SPON1: variants seen among roughly 807,000 people sequenced by gnomAD.
SPON1 encodes spondin-1.
SPON1 carries 52 observed loss-of-function variants against 111.7 expected under a neutral mutation model. The observed-to-expected ratio is 0.47, with a 90% CI of 0.37 to 0.59. The LOEUF (loss-of-function observed/expected upper bound fraction) is 0.59, where lower values mean the gene tolerates loss of function less well. Ranked by LOEUF, SPON1 falls within the 20% of genes least tolerant of loss-of-function variation. SPON1 has a pLI of 0.00. For synonymous variants in SPON1, 410 were observed against 395.8 expected (o/e 1.04, Z -0.43); for missense variants, 957 against 1,068.5 (o/e 0.90, Z 1.46).
intron 15 of SPON1, 168 bp downstream of exon 15, chr11:14,263,143 CCA>C (rs1554942101): frequency 2.9e-6 from 2 of 683,778 alleles, no homozygotes; most frequent in East Asian, 5.5e-5. Context: ...AAGTTTGTTC[CCA>C]AATATTGAGC....
rs558655549 is a variant in SPON1, at chr11:14,182,847, C to T, written c.825+47279C>T. ...GCCATGAAGGATGTTGTTTCAGATG[C>T]CAAGTGGACAATGAGACTGTGTCCT... On this transcript the variant is annotated intron_variant, in intron 6 of 15. Coordinates refer to ENST00000576479, the MANE Select transcript of SPON1 (RefSeq NM_006108.4). Among the ~76,000 whole-genome samples the T allele has an allele frequency of 8.5e-5, 13 of 152,230 alleles. No homozygotes were observed. In the South Asian group the frequency reaches 2.5e-3, roughly 29 times the overall value.
At chr11:14,010,468 C>T (rs1486633752) in intron 2 of SPON1, among the ~76,000 whole-genome samples, 1 of 151,836 alleles carries the variant, frequency 6.6e-6, no homozygotes, top group Non-Finnish European at 1.5e-5. Context: ...GCAGGTGAGG[C>T]CAAGTGAAGG....
At chr11:14,162,157 C>CA (rs72139147) in intron 6 of SPON1, among the ~76,000 whole-genome samples, 54,483 of 112,302 alleles carry the variant, frequency 0.49, 11,843 homozygotes, top group African/African-American at 0.58. Context: ...GACTCTGTCT[C>CA]AAAAAAAAAA....
chr11:14,105,634 C>G (rs1849178692), intron 5 of SPON1, among the ~76,000 whole-genome samples: 2 of 152,016 alleles, frequency 1.3e-5, no homozygotes, highest in African/African-American at 4.8e-5. Context: ...TCGTGCCTGA[C>G]AAACATTTTC....
intron 2 of SPON1, among the ~76,000 whole-genome samples, chr11:14,005,885 C>T (rs1401870387): frequency 6.6e-6 from 1 of 152,100 alleles, no homozygotes; most frequent in African/African-American, 2.4e-5. Context: ...CAATTCTGCT[C>T]TATGACCTCT....
chr11:14,230,937 C>T (rs1217169039), intron 6 of SPON1, among the ~76,000 whole-genome samples: 2 of 152,024 alleles, frequency 1.3e-5, no homozygotes, highest in Non-Finnish European at 2.9e-5. Flanking sequence ...GCTGGGACTA[C>T]AGGCATGTGC....
At chr11:14,090,437 A>G (rs1849041418) in intron 5 of SPON1, among the ~76,000 whole-genome samples, 1 of 152,108 alleles carries the variant, frequency 6.6e-6, no homozygotes, top group Non-Finnish European at 1.5e-5. Context: ...GGACCCTCGT[A>G]GTGAGTGTTA....
intron 3 of SPON1, among the ~76,000 whole-genome samples, chr11:14,071,831 T>G (rs1450109406): frequency 6.6e-6 from 1 of 151,960 alleles, no homozygotes; most frequent in Non-Finnish European, 1.5e-5. Flanking sequence ...CCTGCCTCAG[T>G]CTCCCAAGCA....
At chr11:14,036,558 G>C (rs1848595712) in intron 2 of SPON1, among the ~76,000 whole-genome samples, 1 of 152,156 alleles carries the variant, frequency 6.6e-6, no homozygotes, top group Admixed American at 6.5e-5. Context: ...ATATCAAAAG[G>C]TAAATGCAAG....
chr11:14,241,912 T>G (rs782762777), intron 6 of SPON1, among the ~76,000 whole-genome samples: 1 of 152,004 alleles, frequency 6.6e-6, no homozygotes, highest in Non-Finnish European at 1.5e-5. Flanking sequence ...TTTCATCTGA[T>G]GGAAAGAGGG....
At chr11:14,130,784 C>G (rs1355187795) in intron 5 of SPON1, among the ~76,000 whole-genome samples, 1 of 151,772 alleles carries the variant, frequency 6.6e-6, no homozygotes, top group Non-Finnish European at 1.5e-5. Context: ...TACAACTTTT[C>G]CCAATCTTTT....
At chr11:14,057,678 A>T (rs1437650697) in intron 3 of SPON1, among the ~76,000 whole-genome samples, 1 of 152,044 alleles carries the variant, frequency 6.6e-6, no homozygotes, top group Non-Finnish European at 1.5e-5. Context: ...AGTTTTCTTT[A>T]AGGTTGAAAT....
chr11:14,058,152 T>A (rs1848761843), intron 3 of SPON1, among the ~76,000 whole-genome samples: 1 of 152,070 alleles, frequency 6.6e-6, no homozygotes, highest in Non-Finnish European at 1.5e-5. Context: ...GGGCCAAGAT[T>A]TTGATGAGAA....
chr11:14,051,696 G>A (rs1848709253), intron 3 of SPON1, among the ~76,000 whole-genome samples: 1 of 152,152 alleles, frequency 6.6e-6, no homozygotes, highest in African/African-American at 2.4e-5. Flanking sequence ...AGGACTGTGA[G>A]AAATAAATTC....
intron 5 of SPON1, among the ~76,000 whole-genome samples, chr11:14,106,460 A>G (rs1159268276): frequency 6.6e-6 from 1 of 152,194 alleles, no homozygotes; most frequent in African/African-American, 2.4e-5. Flanking sequence ...ATATACCCTC[A>G]AGAATTGTTT....
At chr11:14,061,431 T>G (rs1471741487) in intron 3 of SPON1, among the ~76,000 whole-genome samples, 1 of 152,248 alleles carries the variant, frequency 6.6e-6, no homozygotes, top group African/African-American at 2.4e-5. Flanking sequence ...CCATCATTGG[T>G]TGTAAAATTA....
At chr11:14,196,497 A>G (rs1554935097) in intron 6 of SPON1, among the ~76,000 whole-genome samples, 1 of 152,116 alleles carries the variant, frequency 6.6e-6, no homozygotes. Context: ...TAAAGCTGCT[A>G]TTTTAAAAAA....
At position 14,138,092 on chromosome 11, in the gene SPON1, T is replaced by A. The variant is rs1376118424; in HGVS notation, c.825+2524T>A. Among the ~76,000 whole-genome samples the A allele has an allele frequency of 2.6e-5, 4 of 152,186 alleles. No individual in the cohort carries two copies. The East Asian group carries it at 7.7e-4, about 29-fold the overall frequency. Reference sequence around the variant, plus strand: ...AAAACATCTGCAAACTAACACAGTGTTCTCGGGCTTTAATACTTTATATCC... The same window carrying A: ...AAAACATCTGCAAACTAACACAGTGATCTCGGGCTTTAATACTTTATATCC... On this transcript the variant is annotated intron_variant, in intron 6 of 15. Transcript: ENST00000576479.
intron 3 of SPON1, among the ~76,000 whole-genome samples, chr11:14,054,256 A>C (rs1554918917): frequency 6.6e-6 from 1 of 152,250 alleles, no homozygotes; most frequent in East Asian, 1.9e-4. Context: ...TATGCTATTC[A>C]TAAATGAAAA....
Sources: gnomAD v4.1 joint callset for allele counts (sites outside exome capture counted in the v4.1 genomes callset) on GRCh38, gnomAD v4.1.1 for gene constraint, MANE v1.5 for transcripts, NCBI Gene and HGNC (gene_info 2026-07-23, HGNC 2026-07-21) for gene names.